The following GRID2 variants were observed in gnomAD, a reference collection of about 807,000 sequenced individuals.
GRID2 encodes the protein glutamate ionotropic receptor delta type subunit 2.
GRID2 carries 33 observed loss-of-function variants against 114.8 expected under a neutral mutation model. That is an observed-to-expected ratio of 0.29 (90% CI 0.22 to 0.38). GRID2 has a LOEUF of 0.38. GRID2 is among the 10% of genes least tolerant of loss of function. The pLI, the probability that GRID2 is intolerant of heterozygous loss-of-function variation, is 1.00. For synonymous variants in GRID2, 505 were observed against 449.9 expected (o/e 1.12, Z -1.55); for missense variants, 1,184 against 1,257.7 (o/e 0.94, Z 0.89).
Position 92,931,772 on chromosome 4 carries a change from G to A in GRID2, c.245-153223G>A, listed in dbSNP as rs58460012. 1.4e-3 allele frequency among the ~76,000 whole-genome samples: 207 copies of A among 150,670 alleles called. 5 individuals are homozygous for A. The East Asian group carries it at 0.037, about 27-fold the overall frequency. ...AGTAATAAAGTCATGTGTTATTGCC[G>A]TAAGAATATTTCAGCAAAACATAAT... is the stretch of plus-strand genomic sequence containing the variant. On this transcript the variant is annotated intron_variant, in intron 2 of 15. Coordinates refer to ENST00000282020, the MANE Select transcript of GRID2 (RefSeq NM_001510.4).
intron 7 of GRID2, among the ~76,000 whole-genome samples, chr4:93,226,489 C>T (rs1745501757): frequency 6.6e-6 from 1 of 152,160 alleles, no homozygotes; most frequent in South Asian, 2.1e-4. Flanking sequence ...AAACAATATC[C>T]TTTTACACCA....
intron 1 of GRID2, among the ~76,000 whole-genome samples, chr4:92,384,577 A>C (rs71599238): frequency 3.8e-4 from 19 of 49,804 alleles, no homozygotes; most frequent in African/African-American, 7.6e-4. Context: ...TAATATATAA[A>C]ATATATTATA....
chr4:93,316,316 GAAAGAAAGAAAGAAAGAAAGAAA>G (rs1560490657), intron 8 of GRID2, among the ~76,000 whole-genome samples: 31,234 of 137,852 alleles, frequency 0.23, 4,737 homozygotes, highest in Non-Finnish European at 0.32. Context: ...AAGAAAGAAA[GAAAGAAAGAAAGAAAGAAAGAAA>G]GAAGGAAGGA....
At chr4:93,040,035 C>T (rs1279239469) in intron 2 of GRID2, among the ~76,000 whole-genome samples, 1 of 151,984 alleles carries the variant, frequency 6.6e-6, no homozygotes, top group Non-Finnish European at 1.5e-5. Flanking sequence ...TATTTTGGAC[C>T]TTAAATTCTG....
Position 93,011,576 on chromosome 4 carries a change from G to T in GRID2, c.245-73419G>T, listed in dbSNP as rs571093181. Among the ~76,000 whole-genome samples the T allele has an allele frequency of 3.3e-5, 5 of 152,206 alleles. No homozygotes were observed. In the East Asian group the frequency reaches 9.7e-4, roughly 29 times the overall value. On this transcript the variant is annotated intron_variant, in intron 2 of 15. Transcript: ENST00000282020. ...ATATGAAAATACTTACCATTTCAGA[G>T]ATTGCAAGAATTTAAAAGCTGTGTG...
At chr4:93,100,557 C>G (rs893147446) in intron 3 of GRID2, among the ~76,000 whole-genome samples, 2 of 151,852 alleles carry the variant, frequency 1.3e-5, no homozygotes, top group Admixed American at 6.6e-5. Context: ...AATGATGTAT[C>G]TCATATATCC....
rs138560170 is a variant in GRID2 at position 92,741,342 on chromosome 4, A to G, written c.244+151056A>G. ...AGATAATCGTAATAATTTCCATTCT[A>G]ACTACAATTGCCATAAATGTAGTCC... On this transcript the variant is annotated intron_variant, in intron 2 of 15. Coordinates refer to ENST00000282020, the MANE Select transcript of GRID2 (RefSeq NM_001510.4). Among the ~76,000 whole-genome samples, 4 of 152,264 alleles carry G rather than the reference A, an allele frequency of 2.6e-5. No homozygotes were observed. The East Asian group carries it at 7.7e-4, about 29-fold the overall frequency.
chr4:93,769,527 G>A (rs1733948784), intron 15 of GRID2, 77 bp downstream of exon 15: 6 of 1,399,946 alleles, frequency 4.3e-6, no homozygotes, highest in Admixed American at 3.6e-5. Context: ...TCCCAGGGAG[G>A]ATAATGGGTT....
rs1417412167 is a variant in GRID2, at chr4:93,773,560, T to C, written c.*1062T>C. ...TGATAATTTTACTTTTAATTAATTA[T>C]CTAAATGAAAAATGCTATTAGCTGA... On this transcript the variant is annotated 3_prime_UTR_variant, in exon 16 of 16. Coordinates refer to ENST00000282020, the MANE Select transcript of GRID2 (RefSeq NM_001510.4). 6.6e-6 allele frequency: 1 copy of C among 152,128 alleles called. No individual in the cohort carries two copies. The highest frequency in any genetic ancestry group is 1.5e-5 in the Non-Finnish European group (1 of 67,980). 9.4% of individuals were successfully genotyped at this position (152,128 alleles called of 1,614,324 possible). A position where few individuals can be genotyped will look rare whatever the true frequency, so the allele number is the denominator to read the frequency against.
rs545789916 is a variant in GRID2, at chr4:92,819,156, A to G, written c.244+228870A>G. 2.0e-5 allele frequency among the ~76,000 whole-genome samples: 3 copies of G among 152,290 alleles called. No individual in the cohort carries two copies. The South Asian group carries it at 6.2e-4, about 32-fold the overall frequency. ...TGTTACGGCAATAGGAAAGCATAGT[A>G]TCATTCAAAGAATTATCTAGAAAGT... On this transcript the variant is annotated intron_variant, in intron 2 of 15. Coordinates refer to ENST00000282020, the MANE Select transcript of GRID2 (RefSeq NM_001510.4).
intron 1 of GRID2, among the ~76,000 whole-genome samples, chr4:92,450,923 T>A (rs912995814): frequency 6.7e-6 from 1 of 149,266 alleles, no homozygotes; most frequent in East Asian, 1.9e-4. Flanking sequence ...AATATTTAAA[T>A]AAATTTAAAT....
chr4:92,719,941 C>A (rs1467166386), intron 2 of GRID2, among the ~76,000 whole-genome samples: 1 of 151,900 alleles, frequency 6.6e-6, no homozygotes, highest in Non-Finnish European at 1.5e-5. Flanking sequence ...TAAGATAATA[C>A]GGTTTTATTA....
chr4:93,123,227 C>A (rs1228396347), intron 4 of GRID2, among the ~76,000 whole-genome samples: 1 of 152,098 alleles, frequency 6.6e-6, no homozygotes, highest in African/African-American at 2.4e-5. Flanking sequence ...TTGACTGCAA[C>A]ATCTACTGCT....
At chr4:93,645,870 A>G (rs534581333) in intron 14 of GRID2, among the ~76,000 whole-genome samples, 125 of 152,322 alleles carry the variant, frequency 8.2e-4, no homozygotes, top group Non-Finnish European at 1.1e-3. Flanking sequence ...TACAAAATCT[A>G]TCTTACACTT....
At chr4:92,798,792 C>CT (rs1210706131) in intron 2 of GRID2, among the ~76,000 whole-genome samples, 1 of 152,078 alleles carries the variant, frequency 6.6e-6, no homozygotes, top group South Asian at 2.1e-4. Flanking sequence ...CTCTTTTGTA[C>CT]TTTTTTTATA....
intron 14 of GRID2, among the ~76,000 whole-genome samples, chr4:93,691,705 T>C (rs1281562275): frequency 6.6e-6 from 1 of 152,072 alleles, no homozygotes; most frequent in Non-Finnish European, 1.5e-5. Flanking sequence ...TATTTCACAT[T>C]TTTTAAATAG....
chr4:92,879,516 T>C (rs1194340129), intron 2 of GRID2, among the ~76,000 whole-genome samples: 1 of 152,216 alleles, frequency 6.6e-6, no homozygotes, highest in East Asian at 1.9e-4. Flanking sequence ...TCAGAGAATT[T>C]CAAAGCACCT....
At chr4:92,322,239 C>T (rs901035402) in intron 1 of GRID2, among the ~76,000 whole-genome samples, 1 of 151,594 alleles carries the variant, frequency 6.6e-6, no homozygotes, top group African/African-American at 2.4e-5. Context: ...GATGATATCT[C>T]ATTATAAATT....
chr4:92,964,935 T>A lies in GRID2; in HGVS notation c.245-120060T>A, dbSNP rs779378266. ...ATAATAGTACATTTAATTTCTTTCA[T>A]GAACTTTTCTTTTACATTTACAACT... On this transcript the variant is annotated intron_variant, in intron 2 of 15. Coordinates refer to ENST00000282020, the MANE Select transcript of GRID2 (RefSeq NM_001510.4). Among the ~76,000 whole-genome samples, 24 of 152,174 alleles carry A rather than the reference T, an allele frequency of 1.6e-4. No individual in the cohort carries two copies. In the East Asian group the frequency reaches 1.9e-3, roughly 12 times the overall value.
Sources: allele counts gnomAD v4.1 joint callset (sites outside exome capture counted in the v4.1 genomes callset), GRCh38; gene constraint gnomAD v4.1.1; transcripts MANE v1.5; gene names NCBI Gene and HGNC (gene_info 2026-07-23, HGNC 2026-07-21).